Variants in LRRIQ1 observed in about 807,000 individuals in gnomAD.
The protein encoded by LRRIQ1 is leucine rich repeats and IQ motif containing 1.
In LRRIQ1, 210 loss-of-function variants were observed where a neutral mutation model predicts 211.9. That is an observed-to-expected ratio of 0.99 (90% CI 0.89 to 1.11). The LOEUF (loss-of-function observed/expected upper bound fraction) is 1.11, where lower values mean the gene tolerates loss of function less well. Ranked by LOEUF, LRRIQ1 falls within the 50% of genes most tolerant of loss-of-function variation. LRRIQ1 has a pLI of 0.00. For missense variants in LRRIQ1, 2,136 were observed against 1,939.5 expected (o/e 1.10, Z -1.90); for synonymous variants, 699 against 650.1 (o/e 1.08, Z -1.14).
chr12:85,077,743 G>A (rs1883817160), intron 11 of LRRIQ1, among the ~76,000 whole-genome samples: 2 of 152,038 alleles, frequency 1.3e-5, no homozygotes, highest in Admixed American at 6.6e-5. Context: ...AGGCCAAGCT[G>A]GGCAGATGGC....
chr12:85,128,475 C>G (rs1381275177), intron 18 of LRRIQ1, among the ~76,000 whole-genome samples: 2 of 152,114 alleles, frequency 1.3e-5, no homozygotes, highest in Admixed American at 6.6e-5. Flanking sequence ...TGATGCACAC[C>G]TGTAGTCCTA....
chr12:85,191,740 CTG>C (rs1026462051), intron 24 of LRRIQ1, among the ~76,000 whole-genome samples: 31 of 152,082 alleles, frequency 2.0e-4, no homozygotes, highest in Admixed American at 2.6e-4. Flanking sequence ...GCCAACGTGA[CTG>C]TACCATTTTC....
chr12:85,111,571 T>TA (rs141714974), intron 15 of LRRIQ1, among the ~76,000 whole-genome samples: 398 of 152,284 alleles, frequency 2.6e-3, no homozygotes, highest in African/African-American at 9.0e-3. Context: ...AAGCAATTTA[T>TA]AGAGTGCCTC....
intron 19 of LRRIQ1, among the ~76,000 whole-genome samples, chr12:85,146,740 T>C (rs563365002): frequency 6.6e-6 from 1 of 151,892 alleles, no homozygotes; most frequent in African/African-American, 2.4e-5. Flanking sequence ...TCTTGAAAGT[T>C]CAGGAACAAG....
intron 19 of LRRIQ1, among the ~76,000 whole-genome samples, chr12:85,150,650 C>T (rs1427431337): frequency 6.6e-6 from 1 of 151,650 alleles, no homozygotes; most frequent in Middle Eastern, 3.4e-3. Flanking sequence ...TTAGAGTCTC[C>T]TTGAACTGTA....
chr12:85,167,225 T>C (rs1422936125), intron 24 of LRRIQ1, among the ~76,000 whole-genome samples: 1 of 152,204 alleles, frequency 6.6e-6, no homozygotes, highest in Non-Finnish European at 1.5e-5. Flanking sequence ...TGAATAAACT[T>C]TTATATGCCA....
the LRRIQ1 span, among the ~76,000 whole-genome samples, chr12:85,270,979 A>C: frequency 6.6e-6 from 1 of 152,212 alleles, no homozygotes; most frequent in African/African-American, 2.4e-5. Context: ...AAACTTGCTT[A>C]TCTGTATAAT....
chr12:85,232,264 C>T (rs1423119999), intron 25 of LRRIQ1, among the ~76,000 whole-genome samples: 2 of 151,878 alleles, frequency 1.3e-5, no homozygotes, highest in African/African-American at 4.8e-5. Flanking sequence ...TAGTTTTAAA[C>T]AGAATTTTAT....
At chr12:85,127,488 A>G (rs1440896579) in intron 17 of LRRIQ1, among the ~76,000 whole-genome samples, 1 of 152,166 alleles carries the variant, frequency 6.6e-6, no homozygotes, top group Non-Finnish European at 1.5e-5. Context: ...ATTGGCTCCT[A>G]CATTTGTCCT....
In LRRIQ1 at chr12:85,152,356, T is replaced by G; in HGVS notation, c.4406T>G (p.Leu1469Arg). Reference sequence around the variant, plus strand: ...CAAACACTGCTTCTTTCAAACCAGCTGCATTGGCCAAAGGTAACATGTCAT... The same window carrying G: ...CAAACACTGCTTCTTTCAAACCAGCGGCATTGGCCAAAGGTAACATGTCAT... ...PSQTLLLSNQ[L>R]HWPKIPGNLK... The change falls in exon 20 of 27, where the codon CTG becomes CGG. Residue 1469 changes from leucine to arginine, a missense_variant. Transcript: ENST00000393217. The G allele has an allele frequency of 1.9e-6, 3 of 1,610,868 alleles. No individual in the cohort carries two copies. The highest frequency in any genetic ancestry group is 2.5e-6 in the Non-Finnish European group (3 of 1,178,028).
chr12:85,154,799 T>C (rs1890451512), intron 23 of LRRIQ1, among the ~76,000 whole-genome samples: 1 of 151,266 alleles, frequency 6.6e-6, no homozygotes, highest in East Asian at 1.9e-4. Context: ...TAAGAACATG[T>C]ATTTCTTTTG....
intron 24 of LRRIQ1, among the ~76,000 whole-genome samples, chr12:85,199,659 G>A (rs1004983713): frequency 1.3e-5 from 2 of 151,840 alleles, no homozygotes; most frequent in African/African-American, 2.4e-5. Context: ...TATAATCATG[G>A]TAGAAGGCAA....
At chr12:85,156,196 T>A (rs573618280) in intron 23 of LRRIQ1, among the ~76,000 whole-genome samples, 1 of 151,922 alleles carries the variant, frequency 6.6e-6, no homozygotes, top group South Asian at 2.1e-4. Flanking sequence ...ACTTTTGTTT[T>A]GCTTTTTTTA....
intron 10 of LRRIQ1, among the ~76,000 whole-genome samples, chr12:85,067,600 C>T (rs901891000): frequency 9.2e-5 from 14 of 151,358 alleles, no homozygotes; most frequent in Admixed American, 8.6e-4. Context: ...AGGCTTGTCT[C>T]GAACTCCTGG....
At chr12:85,175,071 C>A (rs530616229) in intron 24 of LRRIQ1, among the ~76,000 whole-genome samples, 11 of 151,964 alleles carry the variant, frequency 7.2e-5, no homozygotes, top group Non-Finnish European at 1.6e-4. Flanking sequence ...TTATTTCCAA[C>A]CTAAAATTAT....
the LRRIQ1 span, among the ~76,000 whole-genome samples, chr12:85,272,196 A>C: frequency 6.6e-6 from 1 of 152,204 alleles, no homozygotes; most frequent in Non-Finnish European, 1.5e-5. Context: ...AGCAAAAATT[A>C]GTAAAGTTTC....
intron 24 of LRRIQ1, among the ~76,000 whole-genome samples, chr12:85,192,686 ATATAAATATATAGTTATATACTATAAT>A (rs1244381472): frequency 1.9e-4 from 12 of 61,588 alleles, no homozygotes; most frequent in African/African-American, 1.1e-3. Flanking sequence ...CTATAATTAT[ATATAAATATATAGTTATATACTATAAT>A]TATAAATATA....
chr12:85,121,627 A>G, intron 15 of LRRIQ1, 70 bp from the exon 16 acceptor site: 4 of 1,139,972 alleles, frequency 3.5e-6, no homozygotes, highest in Non-Finnish European at 4.8e-6. Context: ...AATGATTAGT[A>G]TATGGTTATT....
Position 85,219,870 on chromosome 12 carries a change from A to G in LRRIQ1, c.4823-9647A>G, listed in dbSNP as rs368551729. Among the ~76,000 whole-genome samples the G allele has an allele frequency of 3.4e-3, 523 of 152,250 alleles. 4 individuals are homozygous for G. Among genetic ancestry groups the G allele is most frequent in the African/African-American group, 0.012 (489 of 41,556 alleles). ...TCGTGCCAATGCTGTCAACTTTCCA[A>G]CAACAGATTGGATTGGTTAAGGAAG... On this transcript the variant is annotated intron_variant, in intron 24 of 26. Transcript: ENST00000393217.
Sources: allele counts gnomAD v4.1 joint callset (sites outside exome capture counted in the v4.1 genomes callset), GRCh38; gene constraint gnomAD v4.1.1; transcripts MANE v1.5; gene names NCBI Gene and HGNC (gene_info 2026-07-23, HGNC 2026-07-21).